TMEM182: variants seen among roughly 807,000 people sequenced by gnomAD.
TMEM182 encodes transmembrane protein 182.
TMEM182 carries 20 observed loss-of-function variants against 26.8 expected under a neutral mutation model. That is an observed-to-expected ratio of 0.75 (90% confidence interval 0.53 to 1.09). The LOEUF (loss-of-function observed/expected upper bound fraction) is 1.09. Among genes scored for constraint, TMEM182 ranks in the 50% least tolerant of loss-of-function variants. The probability of loss-of-function intolerance (pLI) is 0.00; values close to 1 mark genes in which losing one functional copy is unlikely to be tolerated. For synonymous variants in TMEM182, 109 were observed against 102.2 expected, an observed-to-expected ratio of 1.07 and a Z score of -0.40; for missense variants, 277 against 275.5, an observed-to-expected ratio of 1.01 and a Z score of -0.04.
intron 3 of TMEM182, among the ~76,000 whole-genome samples, chr2:102,839,701 C>G (rs1683311998): frequency 1.3e-5 from 2 of 152,090 alleles, no homozygotes; most frequent in Admixed American, 6.6e-5. Flanking sequence ...CAATGTAGCT[C>G]TAGTTGCTAG....
At chr2:102,758,279 T>C (rs1680107145), upstream of TMEM182, 1 of 511,312 alleles carries the variant, frequency 2.0e-6, no homozygotes, top group Middle Eastern at 5.3e-4. Flanking sequence ...GTTTGTAAAT[T>C]TGTGAAGAAC....
chr2:102,755,733 A>G (rs1680012811), intron 1 of TMEM182, among the ~76,000 whole-genome samples: 1 of 152,184 alleles, frequency 6.6e-6, no homozygotes, highest in Admixed American at 6.5e-5. Flanking sequence ...GTAGGGGCCA[A>G]TGTCCCCAGT....
upstream of TMEM182, among the ~76,000 whole-genome samples, chr2:102,759,335 A>T (rs1332144726): frequency 6.6e-6 from 1 of 152,124 alleles, no homozygotes; most frequent in African/African-American, 2.4e-5. Context: ...AACCACACTA[A>T]TCCAGGGAGG....
intron 1 of TMEM182, among the ~76,000 whole-genome samples, chr2:102,738,702 A>T (rs1469911350): frequency 1.3e-5 from 2 of 152,138 alleles, no homozygotes; most frequent in Non-Finnish European, 2.9e-5. Context: ...AGGGAATAAT[A>T]TAACACTAAA....
intron 4 of TMEM182, among the ~76,000 whole-genome samples, chr2:102,813,950 CT>C (rs1278915670): frequency 6.6e-5 from 10 of 151,740 alleles, no homozygotes; most frequent in Admixed American, 2.6e-4. Flanking sequence ...CTCTCTCTTT[CT>C]TTTTTTCTTT....
upstream of TMEM182, chr2:102,758,502 A>G: frequency 1.4e-6 from 1 of 717,122 alleles, no homozygotes; most frequent in East Asian, 2.7e-5. Context: ...CTTCATTAGC[A>G]AAAGTCTAAT....
chr2:102,830,862 C>G (rs1423857920), intron 3 of TMEM182, among the ~76,000 whole-genome samples: 1 of 152,148 alleles, frequency 6.6e-6, no homozygotes, highest in Non-Finnish European at 1.5e-5. Context: ...CCTTCCACTA[C>G]CCTTCCCAGC....
At chr2:102,799,933 G>T (rs1682045075) in intron 4 of TMEM182, among the ~76,000 whole-genome samples, 1 of 151,996 alleles carries the variant, frequency 6.6e-6, no homozygotes, top group Non-Finnish European at 1.5e-5. Flanking sequence ...GGCAGGAGAA[G>T]GTCAGAGAAA....
At chr2:102,809,242 G>C (rs1311846493) in intron 4 of TMEM182, among the ~76,000 whole-genome samples, 2 of 152,210 alleles carry the variant, frequency 1.3e-5, no homozygotes, top group Admixed American at 6.5e-5. Context: ...GGTATGGTCA[G>C]TCAGGGTATT....
intron 4 of TMEM182, among the ~76,000 whole-genome samples, chr2:102,801,040 A>G (rs1187115035): frequency 2.0e-5 from 3 of 152,090 alleles, no homozygotes; most frequent in African/African-American, 7.2e-5. Context: ...CACAATAATT[A>G]TACATGTCAG....
chr2:102,760,468 A>T (rs181533222), upstream of TMEM182, among the ~76,000 whole-genome samples: 17 of 152,318 alleles, frequency 1.1e-4, no homozygotes, highest in East Asian at 1.3e-3. Flanking sequence ...TGGAAATGTC[A>T]TAGCTTGATG....
chr2:102,812,472 A>G (rs1427469145), intron 4 of TMEM182, among the ~76,000 whole-genome samples: 1 of 152,028 alleles, frequency 6.6e-6, no homozygotes, highest in African/African-American at 2.4e-5. Context: ...TCTGATACAA[A>G]TTAAATGGAC....
At chr2:102,823,295 G>A (rs775820253) in intron 3 of TMEM182, among the ~76,000 whole-genome samples, 1 of 152,108 alleles carries the variant, frequency 6.6e-6, no homozygotes, top group Non-Finnish European at 1.5e-5. Context: ...TATTTCAATA[G>A]CATGTTTTCA....
intron 3 of TMEM182, among the ~76,000 whole-genome samples, chr2:102,836,261 T>C (rs550824000): frequency 3.0e-4 from 45 of 152,326 alleles, no homozygotes; most frequent in African/African-American, 1.1e-3. Context: ...AAGATTATAA[T>C]TGCTGGATCA....
At chr2:102,750,657 T>A (rs1380574779) in intron 1 of TMEM182, among the ~76,000 whole-genome samples, 3 of 152,260 alleles carry the variant, frequency 2.0e-5, no homozygotes, top group East Asian at 3.9e-4. Context: ...TTCAGCTCAT[T>A]CTCTCTCAGA....
chr2:102,839,785 A>G (rs1215676959), intron 3 of TMEM182, among the ~76,000 whole-genome samples: 5 of 152,174 alleles, frequency 3.3e-5, no homozygotes, highest in Non-Finnish European at 1.5e-5. Context: ...TGAATTGCCA[A>G]GGTGGTGCTA....
At chr2:102,751,807 G>A (rs1417612238) in intron 1 of TMEM182, among the ~76,000 whole-genome samples, 2 of 152,088 alleles carry the variant, frequency 1.3e-5, no homozygotes, top group African/African-American at 4.8e-5. Context: ...TCTAGGGCTA[G>A]AGGTGCATGC....
intron 1 of TMEM182, among the ~76,000 whole-genome samples, chr2:102,738,247 C>G (rs1426405955): frequency 6.6e-6 from 1 of 152,188 alleles, no homozygotes; most frequent in Admixed American, 6.5e-5. Flanking sequence ...TTAGCATGCT[C>G]TGGTGACAGG....
At chr2:102,772,488 G>A (rs539748202) in intron 3 of TMEM182, among the ~76,000 whole-genome samples, 5 of 152,238 alleles carry the variant, frequency 3.3e-5, no homozygotes, top group South Asian at 4.1e-4. Flanking sequence ...GATAGACATC[G>A]CTGGGTTGAA....
Sources: gnomAD v4.1 joint callset for allele counts (sites outside exome capture counted in the v4.1 genomes callset) on GRCh38, gnomAD v4.1.1 for gene constraint, MANE v1.5 for transcripts, NCBI Gene and HGNC (gene_info 2026-07-23, HGNC 2026-07-21) for gene names.